The following SRPK1 variants were observed in gnomAD, a reference collection of about 807,000 sequenced individuals.
SRPK1 encodes the protein SRSF protein kinase 1, also known as SFRS protein kinase 1.
Under a neutral mutation model 89.5 loss-of-function variants are expected in SRPK1, and 52 were observed. That is an observed-to-expected ratio of 0.58 (90% CI 0.46 to 0.73). The LOEUF (loss-of-function observed/expected upper bound fraction) is 0.73. Ranked by LOEUF, SRPK1 falls within the 30% of genes least tolerant of loss-of-function variation. The pLI is 0.00. For missense variants in SRPK1, 603 were observed against 780.6 expected (o/e 0.77, Z 2.71); for synonymous variants, 255 against 270.2 (o/e 0.94, Z 0.55).
chr6:35,854,959 T>G (rs1769636069), intron 13 of SRPK1, among the ~76,000 whole-genome samples: 4 of 152,184 alleles, frequency 2.6e-5, no homozygotes, highest in Admixed American at 2.0e-4. Context: ...TCTCTCATTT[T>G]GTGCAACAAT....
At chr6:35,904,955 A>G in intron 2 of SRPK1, 1 of 441,262 alleles carries the variant, frequency 2.3e-6, no homozygotes, top group South Asian at 1.6e-5. Context: ...CAGCCTGGTT[A>G]GTACAGCAAG....
chr6:35,869,647 G>A lies in SRPK1; in HGVS notation c.1246C>T (p.Pro416Ser). 2 of 1,614,032 alleles carry A rather than the reference G, an allele frequency of 1.2e-6. No individual in the cohort carries two copies. Among genetic ancestry groups the A allele is most frequent in the South Asian group, 1.1e-5 (1 of 91,080 alleles). The change falls in exon 11 of 16, where the codon CCT becomes TCT. Residue 416 changes from proline to serine, a missense_variant. Coordinates refer to ENST00000373825, the MANE Select transcript of SRPK1 (RefSeq NM_003137.5). ...GTGTCTGACACCTCAGATGTTATAG[G>A]TGTACAAGAGTCTGTTTCTTGAGAT... The part of the protein sequence containing the change: ...STSQETDSCT[P>S]ITSEVSDTMV...
rs764836971 is a variant in SRPK1 at position 35,872,596 on chromosome 6, G to A, written c.718C>T (p.Arg240Ter). 3 of 1,609,768 alleles carry A rather than the reference G, an allele frequency of 1.9e-6. No homozygotes were observed. The highest frequency in any genetic ancestry group is 2.5e-6 in the Non-Finnish European group (3 of 1,178,328). The stretch of plus-strand genomic sequence containing the variant: ...CCGGAAGGCGGAGGAGCTCCAGATC[G>A]CTGCCATTCTGTTGCTTCTGCAGCC... ...RLAAEATEWQ[R>*]SGAPPPSGSA... Residue 240 changes from arginine (R) to a stop codon, truncating the protein, a stop_gained, in exon 8 of 16, where the codon CGA becomes TGA. Transcript: ENST00000373825. LOFTEE classifies it high-confidence loss of function.
intron 13 of SRPK1, among the ~76,000 whole-genome samples, chr6:35,843,336 A>T (rs74796973): frequency 1.8e-5 from 1 of 54,768 alleles, no homozygotes; most frequent in African/African-American, 1.3e-4. Context: ...AAAAAAATCA[A>T]AAAAAAAAAA....
intron 14 of SRPK1, among the ~76,000 whole-genome samples, chr6:35,839,338 A>G (rs977763700): frequency 6.6e-6 from 1 of 152,244 alleles, no homozygotes; most frequent in African/African-American, 2.4e-5. Context: ...AAGATGAGAA[A>G]ATAGAACTTC....
Position 35,850,435 on chromosome 6 carries a change from G to A in SRPK1, c.1620+6826C>T, listed in dbSNP as rs575837812. On this transcript the variant is annotated intron_variant, in intron 13 of 15. Coordinates refer to ENST00000373825, the MANE Select transcript of SRPK1 (RefSeq NM_003137.5). ...GCAAGGAAGCAATGTTTCAGCACCA[G>A]AAAGGCCAAAAGAGGGTTACAATAG... Among the ~76,000 whole-genome samples the A allele has an allele frequency of 1.6e-4, 24 of 152,292 alleles. No homozygotes were observed. The South Asian group carries it at 4.8e-3, about 30-fold the overall frequency.
chr6:35,857,859 T>G (rs1464368314), intron 12 of SRPK1, among the ~76,000 whole-genome samples: 3 of 152,318 alleles, frequency 2.0e-5, no homozygotes, highest in African/African-American at 7.2e-5. Flanking sequence ...CTACCTAGAG[T>G]ATTTTTTGCT....
In SRPK1 at chr6:35,842,592, C is replaced by T; in HGVS notation, c.1633G>A (p.Ala545Thr). 6.2e-7 allele frequency: 1 copy of T among 1,610,198 alleles called. No homozygotes were observed. Among genetic ancestry groups the T allele is most frequent in the South Asian group, 1.1e-5 (1 of 90,282 alleles). The change falls in exon 14 of 16, where the codon GCC becomes ACC. Residue 545 changes from alanine to threonine, a missense_variant. Transcript: ENST00000373825. ...WSTACMAFEL[A>T]TGDYLFEPHS... is the part of the protein sequence containing the mutation. The stretch of plus-strand genomic sequence containing the variant: ...GGTTCAAACAAATAGTCACCTGTGG[C>T]CAGTTCAAAGGCCTAAAAAAAAAAG...
chr6:35,869,454 T>C (rs1769982883), intron 11 of SRPK1, 28 bp downstream of exon 11: 1 of 1,597,626 alleles, frequency 6.3e-7, no homozygotes, highest in Non-Finnish European at 8.6e-7. Flanking sequence ...AGGGAAGGAG[T>C]GTTGAGGAAG....
At chr6:35,914,848 G>A (rs1771053236) in intron 2 of SRPK1, among the ~76,000 whole-genome samples, 1 of 151,758 alleles carries the variant, frequency 6.6e-6, no homozygotes, top group African/African-American at 2.4e-5. Flanking sequence ...GCCCAGGCTA[G>A]AGTGCAGTGG....
Position 35,895,137 on chromosome 6 carries a change from C to T in SRPK1, c.75-4124G>A, listed in dbSNP as rs1314172443. Among the ~76,000 whole-genome samples, 3 of 152,152 alleles carry T rather than the reference C, an allele frequency of 2.0e-5. No homozygotes were observed. The South Asian group carries it at 6.2e-4, about 32-fold the overall frequency. On this transcript the variant is annotated intron_variant, in intron 2 of 15. Transcript: ENST00000373825. ...AACACAAGGGAGAAAAACATAATTA[C>T]GAATTCCAAGAAACAAACAAAATCT...
intron 13 of SRPK1, chr6:35,856,917 T>C (rs1248146617): frequency 2.7e-5 from 5 of 183,112 alleles, no homozygotes; most frequent in Non-Finnish European, 5.7e-5. Context: ...AGGGGTTTCT[T>C]TGGTCTGAAA....
At chr6:35,887,176 A>T (rs557514069) in intron 5 of SRPK1, among the ~76,000 whole-genome samples, 1 of 151,876 alleles carries the variant, frequency 6.6e-6, no homozygotes, top group Non-Finnish European at 1.5e-5. Context: ...TTTTTTTTTC[A>T]TGGAAAAACT....
chr6:35,873,248 A>G (rs1463016194), intron 7 of SRPK1, among the ~76,000 whole-genome samples: 2 of 152,184 alleles, frequency 1.3e-5, no homozygotes, highest in Non-Finnish European at 2.9e-5. Context: ...ATGCCTATGA[A>G]TCATGCTGTA....
intron 5 of SRPK1, 53 bp downstream of exon 5, chr6:35,887,971 A>C (rs1770444756): frequency 6.1e-6 from 8 of 1,317,536 alleles, no homozygotes; most frequent in Non-Finnish European, 8.2e-6. Flanking sequence ...TTATTCAATG[A>C]AACTTGATTT....
At chr6:35,867,285 C>T (rs1769925921) in intron 12 of SRPK1, among the ~76,000 whole-genome samples, 1 of 152,126 alleles carries the variant, frequency 6.6e-6, no homozygotes, top group African/African-American at 2.4e-5. Flanking sequence ...TGACCTGGAC[C>T]AGATGATAGC....
chr6:35,919,995 G>A (rs895377103), intron 2 of SRPK1: 12 of 445,328 alleles, frequency 2.7e-5, no homozygotes, highest in South Asian at 1.6e-4. Context: ...CTCTATGAAA[G>A]GGAGTGTGTG....
chr6:35,918,934 C>T (rs1247195321), intron 2 of SRPK1, among the ~76,000 whole-genome samples: 3 of 152,172 alleles, frequency 2.0e-5, no homozygotes, highest in African/African-American at 7.2e-5. Context: ...GACAAATAGT[C>T]TGAGAGACCA....
intron 2 of SRPK1, among the ~76,000 whole-genome samples, chr6:35,919,087 C>T (rs1771172727): frequency 6.6e-6 from 1 of 152,212 alleles, no homozygotes; most frequent in Non-Finnish European, 1.5e-5. Context: ...AGTCCTACTG[C>T]ACACTAGAAC....
Sources: gnomAD v4.1 joint callset for allele counts (sites outside exome capture counted in the v4.1 genomes callset) on GRCh38, gnomAD v4.1.1 for gene constraint, MANE v1.5 for transcripts, NCBI Gene and HGNC (gene_info 2026-07-23, HGNC 2026-07-21) for gene names.